Variants in BRD9 observed in about 807,000 individuals in gnomAD.
The protein encoded by BRD9 is bromodomain containing 9.
A neutral mutation model predicts 68.7 loss-of-function variants in BRD9; 47 were observed. That is an observed-to-expected ratio of 0.68 (90% CI 0.54 to 0.87). The LOEUF (loss-of-function observed/expected upper bound fraction) is 0.87, where lower values mean the gene tolerates loss of function less well. Among genes scored for constraint, BRD9 ranks in the 40% least tolerant of loss-of-function variants. The pLI, the probability that BRD9 is intolerant of heterozygous loss-of-function variation, is 0.00. For synonymous variants in BRD9, 313 were observed against 293.9 expected, an observed-to-expected ratio of 1.06 and a Z score of -0.67; for missense variants, 670 against 748.4, an observed-to-expected ratio of 0.90 and a Z score of 1.22.
chr5:877,839 T>C (rs1751182214), intron 11 of BRD9, among the ~76,000 whole-genome samples: 1 of 152,106 alleles, frequency 6.6e-6, no homozygotes, highest in African/African-American at 2.4e-5. Context: ...TGATCCAATA[T>C]GACCAGGGTC....
rs1752608758 is a variant in BRD9 at position 886,642 on chromosome 5, T to C, written c.783A>G (p.Val261=). The part of the protein sequence containing the change: ...VEEPVPEVVP[V]QVETAKKSKK... ...TGGATTTCTTGGCAGTTTCTACTTG[T>C]ACTGGTACAACTTCAGGGACAGGTT... The change falls in exon 7 of 16, where the codon GTA becomes GTG. Residue 261 remains valine, a synonymous_variant. Transcript: ENST00000467963. 1.2e-6 allele frequency: 2 copies of C among 1,614,204 alleles called. No individual in the cohort carries two copies. The highest frequency in any genetic ancestry group is 1.1e-5 in the South Asian group (1 of 91,086).
chr5:885,464 T>G (rs73020909), intron 7 of BRD9, among the ~76,000 whole-genome samples: 2,853 of 152,216 alleles, frequency 0.019, 88 homozygotes, highest in African/African-American at 0.065. Flanking sequence ...CATACACATG[T>G]GAGAAGGAAA....
intron 12 of BRD9, 38 bp downstream of exon 12, chr5:876,063 G>A (rs781237650): frequency 6.8e-7 from 1 of 1,478,310 alleles, no homozygotes; most frequent in Non-Finnish European, 9.4e-7. Flanking sequence ...GCACCCCAAG[G>A]GCACCTGCCC....
At chr5:883,897 G>C in intron 8 of BRD9, 41 bp downstream of exon 8, 9 of 1,597,426 alleles carry the variant, frequency 5.6e-6, no homozygotes, top group Non-Finnish European at 7.7e-6. Context: ...AGAGAGTCTG[G>C]GGCCACGTGG....
intron 3 of BRD9, chr5:890,123 G>C (rs1753141231): frequency 3.4e-6 from 1 of 297,602 alleles, no homozygotes; most frequent in Non-Finnish European, 6.6e-6. Flanking sequence ...TTGAGCCCAG[G>C]GTTATCTGAG....
At chr5:867,731 C>A (rs1482724383) in intron 14 of BRD9, among the ~76,000 whole-genome samples, 1 of 152,244 alleles carries the variant, frequency 6.6e-6, no homozygotes, top group East Asian at 1.9e-4. Flanking sequence ...GGTCTATTTA[C>A]CCAATGTCTG....
intron 8 of BRD9, chr5:883,155 C>T (rs1014457886): frequency 2.7e-6 from 1 of 369,040 alleles, no homozygotes; most frequent in Non-Finnish European, 5.3e-6. Context: ...AACTTCCCAG[C>T]AGGCACAGGC....
chr5:890,779 C>T (rs1330854866), intron 3 of BRD9, among the ~76,000 whole-genome samples: 1 of 152,186 alleles, frequency 6.6e-6, no homozygotes, highest in Non-Finnish European at 1.5e-5. Context: ...AACTTCAAGA[C>T]CCAGGGCTGG....
At chr5:891,093 G>C in intron 3 of BRD9, 62 bp downstream of exon 3, 3 of 1,486,342 alleles carry the variant, frequency 2.0e-6, no homozygotes, top group South Asian at 1.3e-5. Context: ...ACACGGTGCC[G>C]ACCCCTCATT....
At chr5:864,991 T>C (rs909102057) in intron 15 of BRD9, among the ~76,000 whole-genome samples, 11 of 152,170 alleles carry the variant, frequency 7.2e-5, no homozygotes, top group African/African-American at 2.2e-4. Context: ...GCTAAACCTC[T>C]GCAGCTGAAG....
At position 876,126 on chromosome 5, in the gene BRD9, G is replaced by A. The variant is rs754264605; in HGVS notation, c.1358C>T (p.Ser453Phe). ...LLDQITGGDH[S>F]RTLFQLKQRR... ...CTGCTTCAGCTGGAAGAGCGTCCTAGAGTGGTCTCCGCCTGTGATCTGGTC... is the reference window on the plus strand; with the variant it reads ...CTGCTTCAGCTGGAAGAGCGTCCTAAAGTGGTCTCCGCCTGTGATCTGGTC... Residue 453 changes from serine (S) to phenylalanine (F), a missense_variant, in exon 12 of 16, where the codon TCT becomes TTT. Around this residue, in one of 5 missense-constraint regions of BRD9, gnomAD observed 280 missense variants for 281.5 expected, o/e 0.99. Transcript: ENST00000467963. 6 of 1,613,176 alleles carry A rather than the reference G, an allele frequency of 3.7e-6. No individual in the cohort carries two copies. The highest frequency in any genetic ancestry group is 5.1e-6 in the Non-Finnish European group (6 of 1,179,776).
chr5:888,985 A>G (rs1296428499), intron 5 of BRD9, 36 bp downstream of exon 5: 1 of 1,594,272 alleles, frequency 6.3e-7, no homozygotes, highest in Non-Finnish European at 8.5e-7. Context: ...ACACAGAACT[A>G]TGCCACGATT....
At position 870,539 on chromosome 5, in the gene BRD9, G is replaced by A; in HGVS notation, c.1459C>T (p.Leu487=). The change falls in exon 14 of 16, where the codon CTG becomes TTG. Residue 487 remains leucine (L), a synonymous_variant. Coordinates refer to ENST00000467963, the MANE Select transcript of BRD9 (RefSeq NM_023924.5). ...DTLGDSSSSV[L]EFMSMKSYPD... Reference sequence around the variant, plus strand: ...TAGGACTTCATCGACATGAACTCCAGAACAGAGCTGCTGCTGTCTCCTAGG... The same window carrying A: ...TAGGACTTCATCGACATGAACTCCAAAACAGAGCTGCTGCTGTCTCCTAGG... The A allele has an allele frequency of 1.2e-6, 2 of 1,614,182 alleles. No homozygotes were observed. Among genetic ancestry groups the A allele is most frequent in the South Asian group, 1.1e-5 (1 of 91,086 alleles).
At chr5:865,772 G>A in intron 14 of BRD9, 191 bp from the exon 15 acceptor site, 1 of 587,156 alleles carries the variant, frequency 1.7e-6, no homozygotes, top group Non-Finnish European at 2.9e-6. Flanking sequence ...AGCAGTGAGT[G>A]AAGGGAAGGC....
intron 14 of BRD9, chr5:869,467 A>C (rs75734285): frequency 0.029 from 11,954 of 416,336 alleles, 993 homozygotes; most frequent in African/African-American, 0.2. Flanking sequence ...GCAAAGCTGT[A>C]TCTTGTGGGA....
intron 5 of BRD9, 22 bp from the exon 6 acceptor site, chr5:887,493 C>T (rs552340981): frequency 6.9e-6 from 11 of 1,584,582 alleles, no homozygotes; most frequent in East Asian, 2.2e-5. Context: ...ACAGGAAAGA[C>T]TTATCAGGTT....
At chr5:866,801 G>A (rs938406269) in intron 14 of BRD9, among the ~76,000 whole-genome samples, 1 of 152,166 alleles carries the variant, frequency 6.6e-6, no homozygotes, top group African/African-American at 2.4e-5. Flanking sequence ...ATGCTCACTT[G>A]CACAAACAGA....
chr5:891,993 G>A (rs1321487133), intron 1 of BRD9, 139 bp from the exon 2 acceptor site: 6 of 1,362,908 alleles, frequency 4.4e-6, no homozygotes, highest in East Asian at 5.0e-5. Flanking sequence ...AAAGACGGAA[G>A]GGAAGACCAC....
At position 872,111 on chromosome 5, in the gene BRD9, G is replaced by A. The variant is rs35213332; in HGVS notation, c.1384-547C>T. ...TGGCGGTGCCTGCAGCAGGTGGGCC[G>A]GGCCGTGCATTGTCTCCTTCCACAA... On this transcript the variant is annotated intron_variant, in intron 12 of 15. Coordinates refer to ENST00000467963, the MANE Select transcript of BRD9 (RefSeq NM_023924.5). Among the ~76,000 whole-genome samples, 1,487 of 152,322 alleles carry A rather than the reference G, an allele frequency of 9.8e-3. 29 individuals carry two copies. The highest frequency in any genetic ancestry group is 0.012 in the Non-Finnish European group (818 of 68,016).
Sources: allele counts gnomAD v4.1 joint callset (sites outside exome capture counted in the v4.1 genomes callset), GRCh38; gene constraint gnomAD v4.1.1; regional missense constraint gnomAD v4.1.1; transcripts MANE v1.5; gene names NCBI Gene and HGNC (gene_info 2026-07-23, HGNC 2026-07-21).